Variants in FGFRL1 observed in about 807,000 individuals in gnomAD.
FGFRL1 encodes fibroblast growth factor receptor like 1.
FGFRL1 carries 24 observed loss-of-function variants against 36.8 expected under a neutral mutation model. The observed-to-expected ratio is 0.65, with a 90% CI of 0.47 to 0.92. The LOEUF (loss-of-function observed/expected upper bound fraction) is 0.92. FGFRL1 is among the 40% of genes least tolerant of loss of function. The pLI, the probability that FGFRL1 is intolerant of heterozygous loss-of-function variation, is 0.00. For missense variants in FGFRL1, 785 were observed against 753.4 expected, an observed-to-expected ratio of 1.04 and a Z score of -0.49; for synonymous variants, 422 against 344.1, an observed-to-expected ratio of 1.23 and a Z score of -2.50.
In FGFRL1 at chr4:1,023,061, G is replaced by A. The variant is rs1048449405; in HGVS notation, c.353-580G>A. Reference sequence around the variant, plus strand: ...TTTAAGTTTTAGGGTACATGTGCCCGTTTTCTGAATACAGGAGCCTGGCCC... The same window carrying A: ...TTTAAGTTTTAGGGTACATGTGCCCATTTTCTGAATACAGGAGCCTGGCCC... On this transcript the variant is annotated intron_variant, in intron 3 of 6. Coordinates refer to ENST00000510644, the MANE Select transcript of FGFRL1 (RefSeq NM_001004356.3). The surrounding 1 kb of genome is among the most constrained non-coding windows in gnomAD (Gnocchi z 6.0). 8.6e-5 allele frequency among the ~76,000 whole-genome samples: 13 copies of A among 151,814 alleles called. No homozygotes were observed. Among genetic ancestry groups the A allele is most frequent in the Non-Finnish European group, 1.9e-4 (13 of 67,890 alleles).
upstream of FGFRL1, among the ~76,000 whole-genome samples, chr4:1,010,364 G>A (rs2153024372): frequency 6.6e-6 from 1 of 152,368 alleles, no homozygotes; most frequent in East Asian, 1.9e-4. Context: ...TGGCCCAGAC[G>A]CGGGATTTGG....
chr4:1,011,779 G>A lies in FGFRL1; in HGVS notation c.-192G>A, dbSNP rs868584324. On this transcript the variant is annotated 5_prime_UTR_variant, in exon 1 of 7. Coordinates refer to ENST00000510644, the MANE Select transcript of FGFRL1 (RefSeq NM_001004356.3). ...GGGACCCCGCGCCCCGAGCGCCCGA[G>A]CCCGGACCCCGACCCGGCCCGAGCC... 2 of 132,262 alleles carry A rather than the reference G, an allele frequency of 1.5e-5. No homozygotes were observed. The highest frequency in any genetic ancestry group is 3.3e-5 in the Non-Finnish European group (2 of 60,688). The allele number at this position is 132,262 out of a possible 1,614,324, so 8.2% of individuals were successfully genotyped here. A position where few individuals can be genotyped will look rare whatever the true frequency, so the allele number is the denominator to read the frequency against.
chr4:1,021,060 G>C (rs1716149181), intron 2 of FGFRL1, among the ~76,000 whole-genome samples: 1 of 59,536 alleles, frequency 1.7e-5, no homozygotes, highest in Admixed American at 1.4e-4. Context: ...AGGGGATGGG[G>C]CGGGGTGGGG....
chr4:1,011,829 C>G lies in FGFRL1; in HGVS notation c.-142C>G, dbSNP rs1440331352. 2.1e-5 allele frequency: 3 copies of G among 143,468 alleles called. No homozygotes were observed. Among genetic ancestry groups the G allele is most frequent in the Non-Finnish European group, 4.6e-5 (3 of 64,800 alleles). 8.9% of individuals were successfully genotyped at this position (143,468 alleles called of 1,614,324 possible). On this transcript the variant is annotated 5_prime_UTR_variant, in exon 1 of 7. Coordinates refer to ENST00000510644, the MANE Select transcript of FGFRL1 (RefSeq NM_001004356.3). ...CGCCCGCGCCCAGGTAGCGCCGCCC[C>G]GCCCCGAGACCGGGCCCGGGGGCGC...
intron 2 of FGFRL1, among the ~76,000 whole-genome samples, chr4:1,015,795 G>C (rs1715856662): frequency 6.6e-6 from 1 of 152,220 alleles, no homozygotes; most frequent in African/African-American, 2.4e-5. Flanking sequence ...GGACAGCCTG[G>C]TGGCCCCGTG....
intron 2 of FGFRL1, among the ~76,000 whole-genome samples, chr4:1,020,616 GTGGGGTGGGGACTGAGGCAGGGGA>G (rs1293825349): frequency 3.4e-4 from 49 of 144,320 alleles, no homozygotes; most frequent in African/African-American, 4.4e-4. Context: ...AGGGGATGGG[GTGGGGTGGGGACTGAGGCAGGGGA>G]TGGGGTGGGG....
intron 1 of FGFRL1, 84 bp from the exon 2 acceptor site, chr4:1,012,386 A>G (rs1027169368): frequency 2.0e-6 from 3 of 1,496,656 alleles, no homozygotes; most frequent in Admixed American, 2.0e-5. Context: ...GGGCGGCCAG[A>G]CCCCTGATCC....
chr4:1,018,107 G>A (rs1390363551), intron 2 of FGFRL1, among the ~76,000 whole-genome samples: 3 of 152,148 alleles, frequency 2.0e-5, no homozygotes, highest in African/African-American at 7.2e-5. Context: ...TGATATGAGG[G>A]CCTGTGAAGA....
chr4:1,020,109 G>C (rs952490711), intron 2 of FGFRL1, among the ~76,000 whole-genome samples: 2 of 152,222 alleles, frequency 1.3e-5, no homozygotes, highest in African/African-American at 4.8e-5. Flanking sequence ...AATGGGAGCT[G>C]CTCCCTGAGT....
In FGFRL1 at chr4:1,026,564, C is replaced by T. The variant is rs1388837665; in HGVS notation, c.*1217C>T. 2 of 223,110 alleles carry T rather than the reference C, an allele frequency of 9.0e-6. No homozygotes were observed. The highest frequency in any genetic ancestry group is 1.8e-5 in the Non-Finnish European group (2 of 111,878). The allele number at this position is 223,110 out of a possible 1,614,324, so 13.8% of individuals were successfully genotyped here. ...GGGTTGGGGGCACAGCAGCCCCAAG[C>T]CTGAGAGGCTGGAGCCCATGGCTAG... On this transcript the variant is annotated 3_prime_UTR_variant, in exon 7 of 7. Coordinates refer to ENST00000510644, the MANE Select transcript of FGFRL1 (RefSeq NM_001004356.3).
rs1211987505 is a variant in FGFRL1 at position 1,024,632 on chromosome 4, GC to G, written c.1041del (p.Phe348SerfsTer232). ...CTTGGCGCCAACACCATGGGCTACA[GC>G]TTCCGCAGCGCCTTCCTCACCGTGC... ...ICLGANTMGY[S>X]FRSAFLTVLP... is the part of the protein sequence containing the mutation. On this transcript the variant is annotated frameshift_variant, in exon 6 of 7. Coordinates refer to ENST00000510644, the MANE Select transcript of FGFRL1 (RefSeq NM_001004356.3). LOFTEE classifies it low-confidence loss of function (END_TRUNC). 1 of 1,607,698 alleles carries G rather than the reference GC, an allele frequency of 6.2e-7. No homozygotes were observed.
In FGFRL1 at chr4:1,026,442, C is replaced by T. The variant is rs1395498143; in HGVS notation, c.*1095C>T. ...ACTCTGCCCGCCTCTGTCCCCGCCT[C>T]AGTCCCCGCCTCCATCCCCGCCTCT... On this transcript the variant is annotated 3_prime_UTR_variant, in exon 7 of 7. Coordinates refer to ENST00000510644, the MANE Select transcript of FGFRL1 (RefSeq NM_001004356.3). 2 of 161,940 alleles carry T rather than the reference C, an allele frequency of 1.2e-5. No homozygotes were observed. The highest frequency in any genetic ancestry group is 4.8e-5 in the African/African-American group (2 of 41,476). 10.0% of individuals were successfully genotyped at this position (161,940 alleles called of 1,614,324 possible).
intron 2 of FGFRL1, among the ~76,000 whole-genome samples, chr4:1,018,916 G>A (rs574197388): frequency 5.1e-4 from 78 of 152,302 alleles, no homozygotes; most frequent in East Asian, 1.9e-4. Context: ...GGCCTGGCGA[G>A]GGGGAGGGAG....
At position 1,023,522 on chromosome 4, in the gene FGFRL1, C is replaced by T. The variant is rs111512107; in HGVS notation, c.353-119C>T. ...TGTGGGTGTGTGGCGCAGCCCCCTG[C>T]CTGGGTGTCCAGGGCTGTCCCGGCT... On this transcript the variant is annotated intron_variant, in intron 3 of 6. Coordinates refer to ENST00000510644, the MANE Select transcript of FGFRL1 (RefSeq NM_001004356.3). The surrounding 1 kb of genome is among the most constrained non-coding windows in gnomAD (Gnocchi z 6.0). 20 of 918,904 alleles carry T rather than the reference C, an allele frequency of 2.2e-5. No homozygotes were observed. The highest frequency in any genetic ancestry group is 5.9e-5 in the South Asian group (4 of 68,150). 56.9% of individuals were successfully genotyped at this position (918,904 alleles called of 1,614,324 possible).
At chr4:1,016,019 G>T (rs774453229) in intron 2 of FGFRL1, among the ~76,000 whole-genome samples, 20 of 152,206 alleles carry the variant, frequency 1.3e-4, no homozygotes, top group Non-Finnish European at 2.6e-4. Flanking sequence ...GGGAGCTGCA[G>T]CGGACAGGCC....
At chr4:1,021,982 G>A (rs974490351) in intron 2 of FGFRL1, among the ~76,000 whole-genome samples, 2 of 152,214 alleles carry the variant, frequency 1.3e-5, no homozygotes, top group Non-Finnish European at 2.9e-5. Flanking sequence ...GGCTGCTGAC[G>A]TGGTGTTTGC....
chr4:1,012,366 C>A, intron 1 of FGFRL1, 104 bp from the exon 2 acceptor site: 1 of 1,350,914 alleles, frequency 7.4e-7, no homozygotes, highest in East Asian at 2.8e-5. Context: ...GCGGGGAGGG[C>A]CTGTGGGGAG....
chr4:1,025,574 C>T lies in FGFRL1; in HGVS notation c.*227C>T. 1.6e-6 allele frequency: 1 copy of T among 608,398 alleles called. No homozygotes were observed. Among genetic ancestry groups the T allele is most frequent in the South Asian group, 2.1e-5 (1 of 48,758 alleles). The allele number at this position is 608,398 out of a possible 1,614,324, so 37.7% of individuals were successfully genotyped here. A position where few individuals can be genotyped will look rare whatever the true frequency, so the allele number is the denominator to read the frequency against. ...TGCGCGCACACGTGCTCCCTGAAGGCACACGTACGCACACACGCACATGCA... is the reference window on the plus strand; with the variant it reads ...TGCGCGCACACGTGCTCCCTGAAGGTACACGTACGCACACACGCACATGCA... On this transcript the variant is annotated 3_prime_UTR_variant, in exon 7 of 7. Coordinates refer to ENST00000510644, the MANE Select transcript of FGFRL1 (RefSeq NM_001004356.3).
At chr4:1,012,725 T>C (rs1715667220) in intron 2 of FGFRL1, among the ~76,000 whole-genome samples, 161 bp downstream of exon 2, 1 of 151,652 alleles carries the variant, frequency 6.6e-6, no homozygotes, top group Admixed American at 6.6e-5. Context: ...CCCTCACCCA[T>C]GGGCTGTCCA....
Sources: gnomAD v4.1 joint callset for allele counts (sites outside exome capture counted in the v4.1 genomes callset) on GRCh38, gnomAD v4.1.1 for gene constraint, Gnocchi (gnomAD v3.1) non-coding constraint, MANE v1.5 for transcripts, NCBI Gene and HGNC (gene_info 2026-07-23, HGNC 2026-07-21) for gene names.